Variants in IL17REL observed in about 807,000 individuals in gnomAD.
IL17REL encodes interleukin-17 receptor E-like protein.
A neutral mutation model predicts 49.0 loss-of-function variants in IL17REL; 36 were observed. The observed-to-expected ratio is 0.73, with a 90% CI of 0.56 to 0.97. The LOEUF is 0.97. Ranked by LOEUF, IL17REL falls within the 50% of genes least tolerant of loss-of-function variation. The pLI is 0.00. For missense variants in IL17REL, 470 were observed against 453.9 expected, an observed-to-expected ratio of 1.04 and a Z score of -0.32; for synonymous variants, 206 against 192.4, an observed-to-expected ratio of 1.07 and a Z score of -0.58.
chr22:50,010,596 C>T (rs1334465591), upstream of IL17REL, among the ~76,000 whole-genome samples: 1 of 152,224 alleles, frequency 6.6e-6, no homozygotes, highest in African/African-American at 2.4e-5. Flanking sequence ...GCTGGGGGCT[C>T]GGAGGCCGGG....
In IL17REL at chr22:49,999,741, T is replaced by A; in HGVS notation, c.474+87A>T. 5.8e-6 allele frequency: 4 copies of A among 693,798 alleles called. 1 individual carries two copies. Among genetic ancestry groups the A allele is most frequent in the Non-Finnish European group, 5.1e-6 (3 of 591,452 alleles). 43.0% of individuals were successfully genotyped at this position (693,798 alleles called of 1,614,324 possible). On this transcript the variant is annotated intron_variant, in intron 5 of 12. Transcript: ENST00000341280. ...CGCGGGGGGTGGGCGGGGCGCGGGG[T>A]GGGCGGGGCCTAAGGCTGACCGGGG...
chr22:50,008,777 C>G (rs1413022375), upstream of IL17REL: 1 of 152,854 alleles, frequency 6.5e-6, no homozygotes, highest in Non-Finnish European at 1.5e-5. Flanking sequence ...TGAATCCTGG[C>G]TTCTCCTCAG....
rs1364171607 is a variant in IL17REL at position 50,000,329 on chromosome 22, CCT to C, written c.334+147_334+148del. Reference sequence around the variant, plus strand: ...ACCCGCCCCCCATCCACGCGCTGTGCCTCTGTCATGCGACCTCGAATTAAGCC... The same window carrying C: ...ACCCGCCCCCCATCCACGCGCTGTGCCTGTCATGCGACCTCGAATTAAGCC... On this transcript the variant is annotated intron_variant, in intron 4 of 12. Coordinates refer to ENST00000341280, the Ensembl canonical transcript of IL17REL. 3.1e-5 allele frequency: 21 copies of C among 673,848 alleles called. No homozygotes were observed. The East Asian group carries it at 5.3e-4, about 17-fold the overall frequency. The allele number at this position is 673,848 out of a possible 1,614,324, so 41.7% of individuals were successfully genotyped here.
chr22:50,011,994 C>G (rs145115152), upstream of IL17REL, among the ~76,000 whole-genome samples: 1 of 152,354 alleles, frequency 6.6e-6, no homozygotes, highest in Non-Finnish European at 1.5e-5. Context: ...CTGTGCCCGG[C>G]CAGCCTTGGG....
intron 5 of IL17REL, 103 bp from the exon 8 acceptor site, chr22:49,999,605 G>A: frequency 1.1e-6 from 1 of 909,146 alleles, no homozygotes; most frequent in South Asian, 1.5e-5. Flanking sequence ...GACGGGAGGT[G>A]GGTGGGGCCT....
At chr22:49,999,718 CGGGGGGT>C (rs2061064279) in intron 5 of IL17REL, 103 bp downstream of exon 7, 2 of 397,632 alleles carry the variant, frequency 5.0e-6, no homozygotes, top group Admixed American at 1.1e-4. Flanking sequence ...GGGCGGGGCG[CGGGGGGT>C]GGGCGGGGCG....
chr22:50,010,685 GGCCCGAGT>G (rs2061134671), upstream of IL17REL, among the ~76,000 whole-genome samples: 2 of 152,190 alleles, frequency 1.3e-5, no homozygotes, highest in African/African-American at 2.4e-5. Flanking sequence ...CTGGCCCCGT[GGCCCGAGT>G]GTCTGGGGCT....
intron 1 of IL17REL, among the ~76,000 whole-genome samples, chr22:50,005,178 T>A (rs1473316578): frequency 6.6e-6 from 1 of 151,836 alleles, no homozygotes; most frequent in African/African-American, 2.4e-5. Flanking sequence ...GAAGGGTGAG[T>A]AAAGCAGAAA....
rs778289422 is a variant in IL17REL at position 50,000,851 on chromosome 22, C to T, written c.122G>A (p.Gly41Asp). 5 of 1,569,366 alleles carry T rather than the reference C, an allele frequency of 3.2e-6. No homozygotes were observed. The East Asian group carries it at 1.2e-4, about 37-fold the overall frequency. ...CAGGCTCATGGCACAGGCCTCCAGG[C>T]CCCGCAGGCGCTCTGGGTGGAGGAA... Residue 41 changes from glycine (G) to aspartate (D), a missense_variant, in exon 3 of 13, where the codon GGC becomes GAC. Gly to Asp is a moderately conservative substitution (Grantham distance 94). Transcript: ENST00000341280.
chr22:50,010,497 C>G (rs2061133514), upstream of IL17REL, among the ~76,000 whole-genome samples: 1 of 152,254 alleles, frequency 6.6e-6, no homozygotes. Flanking sequence ...GTCCCCGGGC[C>G]TCCCTCCCGC....
At chr22:50,010,504 C>T (rs181367758), upstream of IL17REL, among the ~76,000 whole-genome samples, 15 of 152,364 alleles carry the variant, frequency 9.8e-5, no homozygotes, top group Admixed American at 9.8e-4. Context: ...GGCCTCCCTC[C>T]CGCCAGGTGC....
chr22:50,007,544 TG>T (rs398121907), intron 1 of IL17REL, among the ~76,000 whole-genome samples: 5 of 150,072 alleles, frequency 3.3e-5, no homozygotes, highest in Admixed American at 6.7e-5. Context: ...TTAATTTTTT[TG>T]GGGGGGGGAT....
At chr22:50,007,715 G>A (rs1471692992) in intron 1 of IL17REL, among the ~76,000 whole-genome samples, 3 of 151,990 alleles carry the variant, frequency 2.0e-5, no homozygotes, top group Admixed American at 6.6e-5. Context: ...ACTATAGTCC[G>A]CTTTGTGAAT....
chr22:49,997,023 C>T, exon 12 of IL17REL: 1 of 1,548,456 alleles, frequency 6.5e-7, no homozygotes, highest in Middle Eastern at 1.7e-4. Flanking sequence ...GCACAGGCCT[C>T]CTCCCTGGGA....
intron 7 of IL17REL, among the ~76,000 whole-genome samples, chr22:49,998,648 G>GCATGGGTGT (rs756496365): frequency 1.2e-4 from 18 of 151,194 alleles, no homozygotes; most frequent in Non-Finnish European, 1.8e-4. Flanking sequence ...GCCTGCCTGT[G>GCATGGGTGT]CATGGGTGTC....
chr22:49,994,265 T>C (rs1204540836), downstream of IL17REL, among the ~76,000 whole-genome samples: 1 of 152,092 alleles, frequency 6.6e-6, no homozygotes, highest in African/African-American at 2.4e-5. Context: ...TCTCCACCAC[T>C]GGTCCTTTAT....
At chr22:50,009,709 C>T (rs954043771), upstream of IL17REL, among the ~76,000 whole-genome samples, 1 of 152,206 alleles carries the variant, frequency 6.6e-6, no homozygotes, top group Non-Finnish European at 1.5e-5. Flanking sequence ...CAGGTGGGAA[C>T]ACGGAAAAAT....
chr22:50,010,329 T>TCACC (rs2061132564), upstream of IL17REL, among the ~76,000 whole-genome samples: 2 of 152,200 alleles, frequency 1.3e-5, no homozygotes, highest in Non-Finnish European at 2.9e-5. Context: ...GGGGCCGGGC[T>TCACC]CACCCGGGGC....
upstream of IL17REL, among the ~76,000 whole-genome samples, chr22:50,009,485 G>A (rs1014897465): frequency 2.0e-5 from 3 of 152,316 alleles, no homozygotes; most frequent in East Asian, 1.9e-4. Context: ...TGGCACTGGC[G>A]CCCTCAGAGC....
Sources: gnomAD v4.1 joint callset for allele counts (sites outside exome capture counted in the v4.1 genomes callset) on GRCh38, gnomAD v4.1.1 for gene constraint, MANE v1.5 for transcripts, NCBI Gene and HGNC (gene_info 2026-07-23, HGNC 2026-07-21) for gene names.